Variants in NEMP2 observed in about 807,000 individuals in gnomAD.
The protein encoded by NEMP2 is UPF0571 transmembrane protein.
Under a neutral mutation model 54.2 loss-of-function variants are expected in NEMP2, and 53 were observed. That is an observed-to-expected ratio of 0.98 (90% confidence interval 0.78 to 1.23). The LOEUF (loss-of-function observed/expected upper bound fraction) is 1.23. Ranked by LOEUF, NEMP2 falls within the 50% of genes most tolerant of loss-of-function variation. The pLI, the probability that NEMP2 is intolerant of heterozygous loss-of-function variation, is 0.00. For synonymous variants in NEMP2, 197 were observed against 190.3 expected (o/e 1.04, Z -0.29); for missense variants, 455 against 511.3 (o/e 0.89, Z 1.06).
chr2:190,648,487 C>CG, the NEMP2 span: 1 of 144,134 alleles, frequency 6.9e-6, no homozygotes. Context: ...CCCGAGCCTG[C>CG]GGGGGCCAGG....
chr2:190,524,893 G>T (rs1274665548), intron 2 of NEMP2, among the ~76,000 whole-genome samples: 2 of 152,186 alleles, frequency 1.3e-5, no homozygotes, highest in African/African-American at 4.8e-5. Context: ...CTGCTATCTT[G>T]GCCATATTTG....
At chr2:190,566,821 A>G in the NEMP2 span, among the ~76,000 whole-genome samples, 1 of 152,116 alleles carries the variant, frequency 6.6e-6, no homozygotes, top group African/African-American at 2.4e-5. Context: ...TTTTCCCCAA[A>G]AAAGTTAAAT....
chr2:190,581,522 C>T, the NEMP2 span, among the ~76,000 whole-genome samples: 1 of 152,116 alleles, frequency 6.6e-6, no homozygotes, highest in Non-Finnish European at 1.5e-5. Flanking sequence ...GTACCAGTGA[C>T]AGAAAAACTT....
the NEMP2 span, among the ~76,000 whole-genome samples, chr2:190,495,847 A>G: frequency 5.3e-5 from 8 of 152,210 alleles, no homozygotes; most frequent in Admixed American, 5.2e-4. The surrounding 1 kb of genome is among the most constrained non-coding windows in gnomAD (Gnocchi z 4.7). Context: ...TCAACTCAAG[A>G]TGGATCAAGG....
chr2:190,572,836 TATATATATATATATATATATATATATATA>T, the NEMP2 span, among the ~76,000 whole-genome samples: 10 of 93,918 alleles, frequency 1.1e-4, no homozygotes, highest in East Asian at 1.6e-3. Context: ...TTCATGAGTA[TATATATATATATATATATATATATATATA>T]TATATATATA....
chr2:190,612,356 A>G, the NEMP2 span, among the ~76,000 whole-genome samples: 2 of 151,954 alleles, frequency 1.3e-5, no homozygotes, highest in African/African-American at 4.8e-5. Flanking sequence ...GGGTTTCACC[A>G]TATTGGCCAG....
chr2:190,436,807 A>G, the NEMP2 span: 1 of 1,614,208 alleles, frequency 6.2e-7, no homozygotes, highest in Non-Finnish European at 8.5e-7. This position sits in a 1 kb window ranked among gnomAD's most constrained non-coding sequence, Gnocchi z 5.3. Context: ...CAAGGAGACA[A>G]CCACTGTTAT....
At chr2:190,466,084 G>A in the NEMP2 span, among the ~76,000 whole-genome samples, 2 of 152,188 alleles carry the variant, frequency 1.3e-5, no homozygotes, top group Non-Finnish European at 1.5e-5. Context: ...TTTTCTTCCA[G>A]AGTTTTTATT....
At chr2:190,486,957 T>G in the NEMP2 span, among the ~76,000 whole-genome samples, 1 of 152,340 alleles carries the variant, frequency 6.6e-6, no homozygotes, top group Non-Finnish European at 1.5e-5. Flanking sequence ...ACCTGTTATC[T>G]CTGTCTTCCT....
At chr2:190,618,200 T>A in the NEMP2 span, among the ~76,000 whole-genome samples, 1 of 152,224 alleles carries the variant, frequency 6.6e-6, no homozygotes, top group African/African-American at 2.4e-5. Flanking sequence ...GCCTTTTGGC[T>A]GTTTGCCTCA....
At chr2:190,597,503 T>C in the NEMP2 span, among the ~76,000 whole-genome samples, 1 of 152,108 alleles carries the variant, frequency 6.6e-6, no homozygotes. The surrounding 1 kb of genome is among the most constrained non-coding windows in gnomAD (Gnocchi z 4.7). Flanking sequence ...TTACTTGCTG[T>C]GTTGATGAGG....
the NEMP2 span, among the ~76,000 whole-genome samples, chr2:190,490,834 G>A: frequency 2.0e-5 from 3 of 152,306 alleles, no homozygotes; most frequent in South Asian, 4.1e-4. This position sits in a 1 kb window ranked among gnomAD's most constrained non-coding sequence, Gnocchi z 4.5. Flanking sequence ...CCCCTGAAAT[G>A]CTTCTGTGAA....
the NEMP2 span, among the ~76,000 whole-genome samples, chr2:190,441,785 G>A: frequency 6.6e-6 from 1 of 152,036 alleles, no homozygotes; most frequent in South Asian, 2.1e-4. Context: ...CACCCACTGT[G>A]GGTGGCCCTG....
the NEMP2 span, among the ~76,000 whole-genome samples, chr2:190,596,239 G>A: frequency 6.6e-6 from 1 of 152,130 alleles, no homozygotes; most frequent in Non-Finnish European, 1.5e-5. The surrounding 1 kb of genome is among the most constrained non-coding windows in gnomAD (Gnocchi z 5.1). Flanking sequence ...TCACACATTG[G>A]GGCCTGTCAG....
At chr2:190,577,504 A>G in the NEMP2 span, among the ~76,000 whole-genome samples, 1 of 152,164 alleles carries the variant, frequency 6.6e-6, no homozygotes, top group Non-Finnish European at 1.5e-5. The surrounding 1 kb of genome is among the most constrained non-coding windows in gnomAD (Gnocchi z 4.8). Flanking sequence ...ATTTAGCTAA[A>G]CTATCATCCT....
At chr2:190,445,922 GT>G in the NEMP2 span, among the ~76,000 whole-genome samples, 17 of 151,956 alleles carry the variant, frequency 1.1e-4, no homozygotes, top group Non-Finnish European at 2.1e-4. Flanking sequence ...AAACAGTTTT[GT>G]TTTTTATCGG....
the NEMP2 span, among the ~76,000 whole-genome samples, chr2:190,491,151 AAAT>A: frequency 6.6e-6 from 1 of 152,242 alleles, no homozygotes; most frequent in Non-Finnish European, 1.5e-5. The surrounding 1 kb of genome is among the most constrained non-coding windows in gnomAD (Gnocchi z 4.2). Flanking sequence ...AGAAACATAA[AAAT>A]AAGCAATCAA....
the NEMP2 span, among the ~76,000 whole-genome samples, chr2:190,644,522 A>T: frequency 6.6e-6 from 1 of 152,252 alleles, no homozygotes; most frequent in African/African-American, 2.4e-5. The surrounding 1 kb of genome is among the most constrained non-coding windows in gnomAD (Gnocchi z 4.4). Flanking sequence ...CACAAAAAAA[A>T]TTATTCTCTT....
the NEMP2 span, among the ~76,000 whole-genome samples, chr2:190,494,251 C>T: frequency 4.6e-5 from 7 of 151,942 alleles, no homozygotes; most frequent in South Asian, 2.1e-4. This position sits in a 1 kb window ranked among gnomAD's most constrained non-coding sequence, Gnocchi z 5.7. Context: ...AACTGGAAAA[C>T]GCAGAGGAGA....
Sources: allele counts gnomAD v4.1 joint callset (sites outside exome capture counted in the v4.1 genomes callset), GRCh38; gene constraint gnomAD v4.1.1; non-coding constraint Gnocchi (gnomAD v3.1); transcripts MANE v1.5; gene names NCBI Gene and HGNC (gene_info 2026-07-23, HGNC 2026-07-21).